Variants in METTL25 observed in about 807,000 individuals in gnomAD.
METTL25 encodes probable methyltransferase-like protein 25.
In METTL25, 64 loss-of-function variants were observed where a neutral mutation model predicts 71.6. That is an observed-to-expected ratio of 0.89 (90% CI 0.73 to 1.10). The LOEUF is 1.10. METTL25 is among the 50% of genes least tolerant of loss of function. METTL25 has a pLI of 0.00. For synonymous variants in METTL25, 287 were observed against 250.3 expected, an observed-to-expected ratio of 1.15 and a Z score of -1.38; for missense variants, 807 against 707.0, an observed-to-expected ratio of 1.14 and a Z score of -1.60.
chr12:82,421,784 C>A lies in METTL25; in HGVS notation c.1280-9109C>A, dbSNP rs147914372. ...CTATAAACACCTCTACTCAAATAAA[C>A]TAGAAAATCTAGAAGAAATGGATAA... On this transcript the variant is annotated intron_variant, in intron 5 of 11. Transcript: ENST00000248306. Among the ~76,000 whole-genome samples, 410 of 152,246 alleles carry A rather than the reference C, an allele frequency of 2.7e-3. 6 individuals carry two copies. In the East Asian group the frequency reaches 0.052, roughly 19 times the overall value.
At chr12:82,366,355 T>C (rs1014325699) in intron 1 of METTL25, among the ~76,000 whole-genome samples, 2 of 152,196 alleles carry the variant, frequency 1.3e-5, no homozygotes, top group Non-Finnish European at 2.9e-5. Flanking sequence ...CTCCAGGGAC[T>C]TTCTCTTGAC....
intron 9 of METTL25, among the ~76,000 whole-genome samples, chr12:82,463,574 ATTTCT>A (rs1197981520): frequency 6.6e-6 from 1 of 151,954 alleles, no homozygotes; most frequent in Admixed American, 6.6e-5. Flanking sequence ...TGATATATTG[ATTTCT>A]TTTCCTTTGA....
intron 7 of METTL25, among the ~76,000 whole-genome samples, chr12:82,437,861 G>A (rs1476883189): frequency 6.6e-6 from 1 of 151,444 alleles, no homozygotes; most frequent in Non-Finnish European, 1.5e-5. Context: ...ATAACTACAT[G>A]CAAGCTGGGT....
At chr12:82,419,039 A>G (rs554089386) in intron 5 of METTL25, among the ~76,000 whole-genome samples, 100 of 152,280 alleles carry the variant, frequency 6.6e-4, no homozygotes, top group Non-Finnish European at 1.1e-3. Context: ...GATTTTAGAA[A>G]GACGTTTGGC....
chr12:82,359,484 C>T (rs1366440137), intron 1 of METTL25, among the ~76,000 whole-genome samples: 1 of 152,110 alleles, frequency 6.6e-6, no homozygotes, highest in Non-Finnish European at 1.5e-5. Context: ...ATTATTTAGG[C>T]AACATAGTGA....
At chr12:82,393,370 A>T (rs1885775594) in intron 3 of METTL25, among the ~76,000 whole-genome samples, 1 of 151,424 alleles carries the variant, frequency 6.6e-6, no homozygotes, top group Admixed American at 6.6e-5. Flanking sequence ...ATTCCTAGGG[A>T]TCTTATTTTG....
chr12:82,366,091 TAA>T (rs1882540511), intron 1 of METTL25, among the ~76,000 whole-genome samples: 1 of 151,952 alleles, frequency 6.6e-6, no homozygotes, highest in Non-Finnish European at 1.5e-5. Context: ...CAAAAAAATT[TAA>T]AAAAATTTTA....
intron 9 of METTL25, among the ~76,000 whole-genome samples, chr12:82,461,817 G>A (rs1306000277): frequency 2.6e-5 from 4 of 152,186 alleles, no homozygotes; most frequent in Admixed American, 1.3e-4. Flanking sequence ...CTGACCAAAT[G>A]TATGAAACAT....
chr12:82,476,602 T>C (rs1592788823), intron 9 of METTL25, 42 bp from the exon 10 acceptor site: 1 of 1,300,660 alleles, frequency 7.7e-7, no homozygotes. Flanking sequence ...GAAAAATATT[T>C]TTAAACTATC....
intron 7 of METTL25, among the ~76,000 whole-genome samples, chr12:82,436,516 A>G (rs1054964321): frequency 1.3e-5 from 2 of 151,504 alleles, no homozygotes; most frequent in African/African-American, 4.8e-5. Flanking sequence ...TAGTTATTCC[A>G]GTAATGCACA....
At chr12:82,465,473 T>G (rs1384924998) in intron 9 of METTL25, among the ~76,000 whole-genome samples, 1 of 152,008 alleles carries the variant, frequency 6.6e-6, no homozygotes, top group African/African-American at 2.4e-5. Flanking sequence ...GTGTGTTATC[T>G]TTGATATTCT....
intron 1 of METTL25, among the ~76,000 whole-genome samples, chr12:82,363,822 A>C (rs1209807878): frequency 6.6e-6 from 1 of 152,090 alleles, no homozygotes; most frequent in Non-Finnish European, 1.5e-5. Flanking sequence ...TGATGAAAGA[A>C]TTGAAGGATA....
intron 4 of METTL25, among the ~76,000 whole-genome samples, chr12:82,402,230 G>A (rs1003405671): frequency 1.3e-5 from 2 of 151,912 alleles, no homozygotes; most frequent in African/African-American, 2.4e-5. Flanking sequence ...TTGATGCGGT[G>A]TATAAACTAA....
intron 1 of METTL25, among the ~76,000 whole-genome samples, chr12:82,375,982 T>C (rs1053769898): frequency 1.1e-4 from 17 of 152,198 alleles, no homozygotes; most frequent in Admixed American, 5.2e-4. Flanking sequence ...ATAACAGATA[T>C]CAATAATTGT....
chr12:82,417,543 CAAATA>C (rs1888089886), intron 5 of METTL25, among the ~76,000 whole-genome samples: 1 of 152,148 alleles, frequency 6.6e-6, no homozygotes, highest in Non-Finnish European at 1.5e-5. Flanking sequence ...GGTACATGTA[CAAATA>C]CCTTTTTTCT....
At chr12:82,432,475 A>G (rs1378293150) in intron 6 of METTL25, among the ~76,000 whole-genome samples, 5 of 151,670 alleles carry the variant, frequency 3.3e-5, no homozygotes, top group Non-Finnish European at 7.4e-5. Flanking sequence ...AGAAAAAGCA[A>G]CTGGGAAGAA....
chr12:82,445,429 A>C (rs1430034310), intron 8 of METTL25, among the ~76,000 whole-genome samples: 1 of 152,196 alleles, frequency 6.6e-6, no homozygotes, highest in Non-Finnish European at 1.5e-5. Flanking sequence ...TATATAGTGT[A>C]ATAATTTTAT....
At chr12:82,456,903 TC>T (rs1370359654) in intron 9 of METTL25, 83 bp downstream of exon 9, 28 of 596,146 alleles carry the variant, frequency 4.7e-5, no homozygotes. Context: ...CAAAATAGTT[TC>T]CCTTCTAATT....
At chr12:82,358,939 C>T in intron 1 of METTL25, 115 bp downstream of exon 1, 1 of 1,250,468 alleles carries the variant, frequency 8.0e-7, no homozygotes, top group Non-Finnish European at 1.1e-6. Flanking sequence ...GGAGGCGGGG[C>T]GGCCCGCTGG....
Sources: allele counts gnomAD v4.1 joint callset (sites outside exome capture counted in the v4.1 genomes callset), GRCh38; gene constraint gnomAD v4.1.1; transcripts MANE v1.5; gene names NCBI Gene and HGNC (gene_info 2026-07-23, HGNC 2026-07-21).